Variants in CCDC149 observed in about 807,000 individuals in gnomAD.
CCDC149 encodes coiled-coil domain containing 149, also known as coiled-coil domain-containing protein 149.
Under a neutral mutation model 59.9 loss-of-function variants are expected in CCDC149, and 45 were observed. That is an observed-to-expected ratio of 0.75 (90% CI 0.59 to 0.96). The LOEUF (loss-of-function observed/expected upper bound fraction) is 0.96, where lower values mean the gene tolerates loss of function less well. CCDC149 is among the 40% of genes least tolerant of loss of function. CCDC149 has a pLI of 0.00. For missense variants in CCDC149, 584 were observed against 664.7 expected, an observed-to-expected ratio of 0.88 and a Z score of 1.33; for synonymous variants, 245 against 260.6, an observed-to-expected ratio of 0.94 and a Z score of 0.58.
At chr4:24,909,296 G>A (rs553417225) in intron 1 of CCDC149, among the ~76,000 whole-genome samples, 3 of 152,274 alleles carry the variant, frequency 2.0e-5, no homozygotes, top group Admixed American at 6.5e-5. Context: ...GCAAGCCCAC[G>A]AAAATCCCAT....
upstream of CCDC149, among the ~76,000 whole-genome samples, chr4:24,917,872 C>T (rs367891628): frequency 7.9e-5 from 12 of 151,986 alleles, no homozygotes; most frequent in East Asian, 1.2e-3. Flanking sequence ...GAAATGGAAA[C>T]GCAGAGAGGC....
At chr4:24,871,313 A>C (rs1347752334) in intron 3 of CCDC149, among the ~76,000 whole-genome samples, 1 of 152,216 alleles carries the variant, frequency 6.6e-6, no homozygotes, top group Non-Finnish European at 1.5e-5. Context: ...CCATGGAATC[A>C]AGGAATTTAC....
intron 1 of CCDC149, among the ~76,000 whole-genome samples, chr4:24,949,442 G>T (rs1176868754): frequency 6.6e-6 from 1 of 151,448 alleles, no homozygotes; most frequent in Non-Finnish European, 1.5e-5. Context: ...GTGGCAGGGA[G>T]GGGGGGTGGT....
intron 1 of CCDC149, among the ~76,000 whole-genome samples, chr4:24,880,409 C>T (rs954869071): frequency 4.6e-5 from 7 of 152,180 alleles, no homozygotes; most frequent in Non-Finnish European, 8.8e-5. Flanking sequence ...GCAACCCCGT[C>T]ATTAAGTGAC....
intron 1 of CCDC149, among the ~76,000 whole-genome samples, chr4:24,937,677 G>A (rs1722824659): frequency 6.6e-6 from 1 of 152,224 alleles, no homozygotes; most frequent in African/African-American, 2.4e-5. Context: ...AAAAGCTGGA[G>A]CGTTACACCC....
At position 24,808,464 on chromosome 4, in the gene CCDC149, TGCTGGCCG is replaced by T. The variant is rs1359947429; in HGVS notation, c.1540_1547del (p.Arg514SerfsTer31). 6.8e-7 allele frequency: 1 copy of T among 1,469,230 alleles called. No individual in the cohort carries two copies. The highest frequency in any genetic ancestry group is 2.5e-5 in the East Asian group (1 of 40,290). The allele number at this position is 1,469,230 out of a possible 1,614,324, so 91.0% of individuals were successfully genotyped here. A position where few individuals can be genotyped will look rare whatever the true frequency, so the allele number is the denominator to read the frequency against. On this transcript the variant is annotated frameshift_variant, in exon 13 of 13. Coordinates refer to ENST00000635206, the MANE Select transcript of CCDC149 (RefSeq NM_001330643.2). LOFTEE classifies it low-confidence loss of function (END_TRUNC). ...CGTCTTCCGGTGTGGAAGCTTTGGC[TGCTGGCCG>T]GCTGGCCTCGAAGGAGTCCAGGTGA...
In CCDC149 at chr4:24,819,771, G is replaced by A. The variant is rs1715244695; in HGVS notation, c.1192+88C>T. ...ATGATGCCAAAGCAGCAGCACAAAG[G>A]GGAAGGGGAAGAGACCGATGTCCAT... On this transcript the variant is annotated intron_variant, in intron 12 of 12. Coordinates refer to ENST00000635206, the MANE Select transcript of CCDC149 (RefSeq NM_001330643.2). 5.5e-6 allele frequency: 5 copies of A among 901,956 alleles called. No individual in the cohort carries two copies. In the South Asian group the frequency reaches 5.6e-5, roughly 10 times the overall value. The allele number at this position is 901,956 out of a possible 1,614,324, so 55.9% of individuals were successfully genotyped here.
chr4:24,924,807 GA>G (rs1436927659), intron 1 of CCDC149, among the ~76,000 whole-genome samples: 1 of 152,160 alleles, frequency 6.6e-6, no homozygotes, highest in African/African-American at 2.4e-5. Context: ...AACTTGTCCA[GA>G]TGCCACCTCT....
At chr4:24,942,747 C>T (rs1351115848) in intron 1 of CCDC149, among the ~76,000 whole-genome samples, 3 of 152,086 alleles carry the variant, frequency 2.0e-5, no homozygotes, top group Non-Finnish European at 4.4e-5. Flanking sequence ...TTCTTATACA[C>T]CAATAACAGA....
At chr4:24,886,280 G>T (rs1441293115) in intron 1 of CCDC149, among the ~76,000 whole-genome samples, 1 of 152,206 alleles carries the variant, frequency 6.6e-6, no homozygotes, top group Admixed American at 6.5e-5. Context: ...GGGCAATGGA[G>T]ATAGGAACCA....
At position 24,888,275 on chromosome 4, in the gene CCDC149, G is replaced by T. The variant is rs183860986; in HGVS notation, c.64-11578C>A. Among the ~76,000 whole-genome samples the T allele has an allele frequency of 1.3e-3, 191 of 152,132 alleles. 1 individual carries two copies. Among genetic ancestry groups the T allele is most frequent in the African/African-American group, 4.2e-3 (175 of 41,476 alleles). Reference sequence around the variant, plus strand: ...TCCCACCAAGCTGAATATATACATAGATATATAGATAGATAGATTTACATA... The same window carrying T: ...TCCCACCAAGCTGAATATATACATATATATATAGATAGATAGATTTACATA... On this transcript the variant is annotated intron_variant, in intron 1 of 12. Transcript: ENST00000635206.
chr4:24,886,753 T>A (rs959986028), intron 1 of CCDC149, among the ~76,000 whole-genome samples: 4 of 151,960 alleles, frequency 2.6e-5, no homozygotes, highest in Non-Finnish European at 5.9e-5. Flanking sequence ...AACACAGGAG[T>A]GCATAGGAGC....
At chr4:24,816,474 C>A (rs957046050) in intron 12 of CCDC149, among the ~76,000 whole-genome samples, 1 of 152,208 alleles carries the variant, frequency 6.6e-6, no homozygotes, top group Middle Eastern at 3.4e-3. Context: ...ATGTCACAAG[C>A]GTTGAGCTAT....
chr4:24,903,800 CTT>C (rs11344947), intron 1 of CCDC149, among the ~76,000 whole-genome samples: 17,813 of 124,620 alleles, frequency 0.14, 837 homozygotes, highest in Admixed American at 0.18. Flanking sequence ...TAATTTTTAG[CTT>C]TTTTTTTTTT....
chr4:24,908,195 C>T (rs1200459285), intron 1 of CCDC149, among the ~76,000 whole-genome samples: 6 of 152,130 alleles, frequency 3.9e-5, no homozygotes, highest in Admixed American at 2.0e-4. Context: ...CACAGTACAA[C>T]CTACAACATC....
intron 2 of CCDC149, among the ~76,000 whole-genome samples, chr4:24,876,292 TACACACACACACACACACACACACAC>T (rs61406129): frequency 4.0e-5 from 5 of 124,732 alleles, no homozygotes; most frequent in African/African-American, 6.1e-5. Flanking sequence ...CATACACACG[TACACACACACACACACACACACACAC>T]ACACACACAC....
chr4:24,876,139 A>G (rs1012791615), intron 2 of CCDC149, among the ~76,000 whole-genome samples: 2 of 152,238 alleles, frequency 1.3e-5, no homozygotes, highest in Non-Finnish European at 2.9e-5. Flanking sequence ...GATCAAAAAA[A>G]CAACAGTATA....
intron 1 of CCDC149, among the ~76,000 whole-genome samples, chr4:24,934,767 C>G (rs1200536547): frequency 1.3e-5 from 2 of 152,094 alleles, no homozygotes; most frequent in Admixed American, 6.5e-5. Context: ...GGACAAAGGC[C>G]TTGAGATAGA....
chr4:24,903,188 A>G (rs1361219249), intron 1 of CCDC149, among the ~76,000 whole-genome samples: 1 of 152,082 alleles, frequency 6.6e-6, no homozygotes, highest in Non-Finnish European at 1.5e-5. Context: ...AGAAAGGCAT[A>G]GCCCAGCAGA....
Sources: gnomAD v4.1 joint callset for allele counts (sites outside exome capture counted in the v4.1 genomes callset) on GRCh38, gnomAD v4.1.1 for gene constraint, MANE v1.5 for transcripts, NCBI Gene and HGNC (gene_info 2026-07-23, HGNC 2026-07-21) for gene names.